The following MALRD1 variants were observed in gnomAD, a reference collection of about 807,000 sequenced individuals.
MALRD1 encodes the protein MAM and LDL receptor class A domain containing 1.
In MALRD1, 247 loss-of-function variants were observed where a neutral mutation model predicts 242.1. That is an observed-to-expected ratio of 1.02 (90% confidence interval 0.92 to 1.13). The LOEUF is 1.13. Ranked by LOEUF, MALRD1 falls within the 50% of genes most tolerant of loss-of-function variation. MALRD1 has a pLI of 0.00. For synonymous variants in MALRD1, 995 were observed against 866.6 expected (o/e 1.15, Z -2.60); for missense variants, 2,989 against 2,533.1 (o/e 1.18, Z -3.86).
At chr10:19,136,498 C>A in intron 9 of MALRD1, 76 bp from the exon 10 acceptor site, 1 of 847,600 alleles carries the variant, frequency 1.2e-6, no homozygotes, top group Non-Finnish European at 1.6e-6. Context: ...ACTACTTTGT[C>A]TTTATCAACC....
At chr10:19,346,267 T>G (rs964210038) in intron 24 of MALRD1, among the ~76,000 whole-genome samples, 5 of 152,318 alleles carry the variant, frequency 3.3e-5, no homozygotes, top group Middle Eastern at 3.4e-3. Flanking sequence ...TAAAGAGTCA[T>G]ATGTAATAAA....
At chr10:19,715,118 C>T (rs546154483) in intron 38 of MALRD1, among the ~76,000 whole-genome samples, 4 of 152,006 alleles carry the variant, frequency 2.6e-5, no homozygotes, top group African/African-American at 9.6e-5. Flanking sequence ...CTATACTGAC[C>T]ATTCTTAAAA....
chr10:19,231,587 T>C (rs1411181910), intron 18 of MALRD1, among the ~76,000 whole-genome samples: 1 of 151,908 alleles, frequency 6.6e-6, no homozygotes. Context: ...TCATGAGATC[T>C]GATGGTTTTA....
chr10:19,578,626 A>C (rs1468914379), intron 33 of MALRD1, among the ~76,000 whole-genome samples: 1 of 151,898 alleles, frequency 6.6e-6, no homozygotes, highest in African/African-American at 2.4e-5. Context: ...CAGGAGGCGG[A>C]GGTTGCAGTG....
intron 29 of MALRD1, 70 bp downstream of exon 29, chr10:19,450,560 A>C (rs1272608765): frequency 1.5e-6 from 2 of 1,301,674 alleles, no homozygotes; most frequent in African/African-American, 3.0e-5. Flanking sequence ...TTGTTACACA[A>C]GTTTACAATG....
At chr10:19,407,092 A>C (rs1833060491) in intron 28 of MALRD1, among the ~76,000 whole-genome samples, 1 of 152,130 alleles carries the variant, frequency 6.6e-6, no homozygotes, top group Non-Finnish European at 1.5e-5. Context: ...CAATTCTGGA[A>C]TCTGGCTTCT....
intron 5 of MALRD1, among the ~76,000 whole-genome samples, chr10:19,106,325 G>A (rs1836461379): frequency 6.6e-6 from 1 of 151,700 alleles, no homozygotes; most frequent in Non-Finnish European, 1.5e-5. Context: ...TTTGGTGGGA[G>A]ACATTTTGTT....
At chr10:19,660,954 C>T (rs958364715) in intron 36 of MALRD1, among the ~76,000 whole-genome samples, 1 of 152,072 alleles carries the variant, frequency 6.6e-6, no homozygotes, top group Non-Finnish European at 1.5e-5. Context: ...TTGTAACAAC[C>T]CCATCAAAAA....
At chr10:19,051,846 C>T (rs61852837) in intron 1 of MALRD1, 278 of 161,616 alleles carry the variant, frequency 1.7e-3, no homozygotes, top group Non-Finnish European at 2.3e-3. Flanking sequence ...GGTGTGAACC[C>T]GGGATGCGGA....
chr10:19,570,223 A>G (rs1324467057), intron 33 of MALRD1, among the ~76,000 whole-genome samples: 2 of 152,078 alleles, frequency 1.3e-5, no homozygotes, highest in African/African-American at 4.8e-5. Context: ...TAGCTTCTAC[A>G]GCACGACTTC....
chr10:19,390,913 T>A (rs1428307882), intron 28 of MALRD1, among the ~76,000 whole-genome samples: 1 of 152,182 alleles, frequency 6.6e-6, no homozygotes, highest in Admixed American at 6.5e-5. Flanking sequence ...GATGGAAACT[T>A]ACAAAAATAT....
chr10:19,196,500 T>A (rs550478034), intron 14 of MALRD1, among the ~76,000 whole-genome samples: 1 of 151,578 alleles, frequency 6.6e-6, no homozygotes, highest in South Asian at 2.1e-4. Context: ...ATACTTAAAC[T>A]TGACTTGGCT....
intron 26 of MALRD1, among the ~76,000 whole-genome samples, chr10:19,352,587 C>G (rs1275444083): frequency 6.6e-6 from 1 of 152,078 alleles, no homozygotes; most frequent in Non-Finnish European, 1.5e-5. Context: ...TTGCAGTCTG[C>G]TTCAGAATTT....
intron 36 of MALRD1, among the ~76,000 whole-genome samples, chr10:19,631,347 G>GCCA (rs1839893077): frequency 6.6e-6 from 1 of 152,148 alleles, no homozygotes; most frequent in South Asian, 2.1e-4. Flanking sequence ...TGGCTGCATA[G>GCCA]TATTTCATGA....
At chr10:19,727,275 T>A (rs1483468544) in intron 38 of MALRD1, among the ~76,000 whole-genome samples, 1 of 152,190 alleles carries the variant, frequency 6.6e-6, no homozygotes, top group Non-Finnish European at 1.5e-5. Flanking sequence ...TAACATAGAT[T>A]GGTTTTTGTT....
chr10:19,096,169 C>T (rs1036872975), intron 4 of MALRD1, among the ~76,000 whole-genome samples: 1 of 152,070 alleles, frequency 6.6e-6, no homozygotes, highest in Non-Finnish European at 1.5e-5. Context: ...TAGGTCAAAC[C>T]TTTCAAAATA....
chr10:19,164,691 C>A (rs1480295450), intron 12 of MALRD1, among the ~76,000 whole-genome samples: 1 of 152,020 alleles, frequency 6.6e-6, no homozygotes, highest in African/African-American at 2.4e-5. Flanking sequence ...TCATACAGCT[C>A]CAGGTACTTA....
chr10:19,595,919 T>C (rs1838074912), intron 34 of MALRD1, among the ~76,000 whole-genome samples: 3 of 152,208 alleles, frequency 2.0e-5, no homozygotes, highest in African/African-American at 7.2e-5. Context: ...GATAATTACC[T>C]GAGTAAATGT....
chr10:19,178,333 A>C (rs4748558), intron 14 of MALRD1, among the ~76,000 whole-genome samples: 29,167 of 151,980 alleles, frequency 0.19, 3,072 homozygotes, highest in Admixed American at 0.27. Flanking sequence ...ATAGGATCTC[A>C]TTTGTGGAGT....
Sources: allele counts gnomAD v4.1 joint callset (sites outside exome capture counted in the v4.1 genomes callset), GRCh38; gene constraint gnomAD v4.1.1; transcripts MANE v1.5; gene names NCBI Gene and HGNC (gene_info 2026-07-23, HGNC 2026-07-21).